ABCG1: variants seen among roughly 807,000 people sequenced by gnomAD.
ABCG1 encodes ATP-binding cassette sub-family G member 1.
Under a neutral mutation model 69.2 loss-of-function variants are expected in ABCG1, and 29 were observed. The ratio of observed to expected loss-of-function variants is 0.42; its 90% CI spans 0.31 to 0.57. The LOEUF is 0.57. Ranked by LOEUF, ABCG1 falls within the 20% of genes least tolerant of loss-of-function variation. The pLI is 0.15. For missense variants in ABCG1, 718 were observed against 898.1 expected (o/e 0.80, Z 2.56); for synonymous variants, 370 against 374.8 (o/e 0.99, Z 0.15).
At chr21:42,230,992 C>T (rs2067893293) in intron 2 of ABCG1, among the ~76,000 whole-genome samples, 1 of 152,184 alleles carries the variant, frequency 6.6e-6, no homozygotes, top group Non-Finnish European at 1.5e-5. Context: ...CAGGACTGGA[C>T]CACCAAGGCA....
chr21:42,207,417 T>C (rs540437116), intron 2 of ABCG1, among the ~76,000 whole-genome samples: 18 of 152,386 alleles, frequency 1.2e-4, no homozygotes, highest in African/African-American at 4.3e-4. Context: ...CTTTCTATTT[T>C]GTTCTTTTTA....
intron 2 of ABCG1, chr21:42,259,606 G>A (rs1428476022): frequency 1.4e-6 from 2 of 1,444,140 alleles, no homozygotes; most frequent in Non-Finnish European, 1.8e-6. Flanking sequence ...CCATTACCTT[G>A]TTTCCTAACT....
chr21:42,255,752 T>C (rs1049815752), intron 2 of ABCG1, among the ~76,000 whole-genome samples: 1 of 152,190 alleles, frequency 6.6e-6, no homozygotes, highest in Admixed American at 6.5e-5. Flanking sequence ...TAATCCATGC[T>C]CAAGCCCCTC....
chr21:42,275,772 C>T (rs78103093), intron 4 of ABCG1, among the ~76,000 whole-genome samples: 3,565 of 152,360 alleles, frequency 0.023, 144 homozygotes, highest in African/African-American at 0.081. Flanking sequence ...GAGAAATACT[C>T]TGAGGCTATG....
At chr21:42,272,620 G>A (rs984152415) in intron 3 of ABCG1, among the ~76,000 whole-genome samples, 1 of 152,152 alleles carries the variant, frequency 6.6e-6, no homozygotes, top group African/African-American at 2.4e-5. Flanking sequence ...ACCAGCTCCC[G>A]GGCTGCACTG....
chr21:42,286,041 T>C, intron 8 of ABCG1, 47 bp downstream of exon 8: 1 of 1,348,224 alleles, frequency 7.4e-7, no homozygotes, highest in Non-Finnish European at 1.1e-6. Flanking sequence ...GGGATTTTCC[T>C]CCTCTGTGGG....
intron 2 of ABCG1, among the ~76,000 whole-genome samples, chr21:42,209,796 C>T (rs1339024505): frequency 6.6e-6 from 1 of 152,260 alleles, no homozygotes; most frequent in East Asian, 1.9e-4. Context: ...TGACACCTCT[C>T]ATCCTTGAAA....
intron 2 of ABCG1, among the ~76,000 whole-genome samples, chr21:42,247,909 C>T (rs2123631468): frequency 6.6e-6 from 1 of 152,244 alleles, no homozygotes; most frequent in African/African-American, 2.4e-5. Context: ...CCTGGAGACG[C>T]AAGGAAGGAC....
chr21:42,273,946 A>G lies in ABCG1; in HGVS notation c.537+511A>G, dbSNP rs969046817. 1.3e-5 allele frequency among the ~76,000 whole-genome samples: 2 copies of G among 152,186 alleles called. No homozygotes were observed. The highest frequency in any genetic ancestry group is 1.5e-5 in the Non-Finnish European group (1 of 68,028). On this transcript the variant is annotated intron_variant, in intron 4 of 14. Transcript: ENST00000398449. The surrounding 1 kb of genome is among the most constrained non-coding windows in gnomAD (Gnocchi z 5.3). Reference sequence around the variant, plus strand: ...ATCTCCTGGGTCCCAGGCCCTGAGCACATAGCTCTACACACACCAGATATG... The same window carrying G: ...ATCTCCTGGGTCCCAGGCCCTGAGCGCATAGCTCTACACACACCAGATATG...
chr21:42,289,799 A>C (rs975898218), intron 10 of ABCG1, among the ~76,000 whole-genome samples: 7 of 152,180 alleles, frequency 4.6e-5, no homozygotes, highest in African/African-American at 1.4e-4. Context: ...TGTTGGTTTT[A>C]ACACAACAAA....
At chr21:42,200,841 G>A (rs532488515) in intron 1 of ABCG1, among the ~76,000 whole-genome samples, 14 of 152,122 alleles carry the variant, frequency 9.2e-5, no homozygotes, top group African/African-American at 3.4e-4. Context: ...CACCTGCCTC[G>A]ACCTCCCAAA....
At chr21:42,216,237 T>A, upstream of ABCG1, 1 of 413,272 alleles carries the variant, frequency 2.4e-6, no homozygotes, top group South Asian at 1.8e-5. Flanking sequence ...GTCTCAGGTA[T>A]GTCTTTATCG....
intron 2 of ABCG1, among the ~76,000 whole-genome samples, chr21:42,226,466 A>G (rs1014076208): frequency 6.6e-6 from 1 of 152,226 alleles, no homozygotes; most frequent in Non-Finnish European, 1.5e-5. Context: ...AACAGAGAGG[A>G]TAGAGCTCAG....
chr21:42,279,849 C>G (rs1003643987), intron 5 of ABCG1, among the ~76,000 whole-genome samples: 2 of 152,198 alleles, frequency 1.3e-5, no homozygotes, highest in Non-Finnish European at 2.9e-5. Context: ...GAGGCGCCTC[C>G]CAGGAGTAGC....
intron 2 of ABCG1, among the ~76,000 whole-genome samples, chr21:42,261,405 A>G (rs985837198): frequency 1.3e-5 from 2 of 152,196 alleles, no homozygotes; most frequent in East Asian, 3.9e-4. Flanking sequence ...TACTGTCTGC[A>G]TGGCATCTTC....
chr21:42,218,887 G>A (rs2067672971), upstream of ABCG1, among the ~76,000 whole-genome samples: 1 of 152,158 alleles, frequency 6.6e-6, no homozygotes, highest in Non-Finnish European at 1.5e-5. Context: ...AGCCTCACCC[G>A]TGCTGGCCCA....
intron 2 of ABCG1, among the ~76,000 whole-genome samples, chr21:42,270,281 A>AAAAAT (rs2068593100): frequency 6.8e-6 from 1 of 146,642 alleles, no homozygotes; most frequent in Non-Finnish European, 1.5e-5. Flanking sequence ...AAAAAAAAAA[A>AAAAAT]GTGCCCCTGG....
intron 2 of ABCG1, among the ~76,000 whole-genome samples, chr21:42,238,677 T>C (rs1275422413): frequency 6.6e-6 from 1 of 152,238 alleles, no homozygotes; most frequent in Non-Finnish European, 1.5e-5. Flanking sequence ...AACATTACAC[T>C]TCAGAATTTG....
intron 2 of ABCG1, among the ~76,000 whole-genome samples, chr21:42,229,967 G>A (rs371240731): frequency 7.9e-5 from 12 of 152,144 alleles, no homozygotes; most frequent in Non-Finnish European, 1.2e-4. Flanking sequence ...CGATACAAAC[G>A]CAACATACAA....
Sources: gnomAD v4.1 joint callset for allele counts (sites outside exome capture counted in the v4.1 genomes callset) on GRCh38, gnomAD v4.1.1 for gene constraint, Gnocchi (gnomAD v3.1) non-coding constraint, MANE v1.5 for transcripts, NCBI Gene and HGNC (gene_info 2026-07-23, HGNC 2026-07-21) for gene names.